Variants in CHP1 observed in about 807,000 individuals in gnomAD.
CHP1 encodes the protein calcineurin like EF-hand protein 1, also known as calcineurin B homologous protein 1.
A neutral mutation model predicts 27.4 loss-of-function variants in CHP1; 11 were observed. The observed-to-expected ratio is 0.40, with a 90% CI of 0.25 to 0.67. CHP1 has a LOEUF of 0.67. Ranked by LOEUF, CHP1 falls within the 30% of genes least tolerant of loss-of-function variation. The pLI, the probability that CHP1 is intolerant of heterozygous loss-of-function variation, is 0.38. For missense variants in CHP1, 169 were observed against 251.3 expected, an observed-to-expected ratio of 0.67 and a Z score of 2.22; for synonymous variants, 89 against 87.4, an observed-to-expected ratio of 1.02 and a Z score of -0.10.
chr15:41,253,619 T>C (rs1243630928), intron 2 of CHP1, among the ~76,000 whole-genome samples: 2 of 151,394 alleles, frequency 1.3e-5, no homozygotes, highest in African/African-American at 2.4e-5. Flanking sequence ...CACGCCTAGC[T>C]AATTTTTTGT....
chr15:41,276,224 G>C (rs1020604032), intron 5 of CHP1, among the ~76,000 whole-genome samples: 1 of 145,552 alleles, frequency 6.9e-6, no homozygotes, highest in African/African-American at 2.6e-5. Flanking sequence ...CTGGGCAACA[G>C]AGTGAGACTC....
At chr15:41,252,463 G>A (rs1567007068) in intron 2 of CHP1, among the ~76,000 whole-genome samples, 3 of 152,146 alleles carry the variant, frequency 2.0e-5, no homozygotes, top group African/African-American at 4.8e-5. Context: ...CACCACGCCC[G>A]GCCTGGAAAG....
intron 5 of CHP1, chr15:41,272,478 T>G (rs2047494848): frequency 6.6e-6 from 1 of 152,110 alleles, no homozygotes; most frequent in Non-Finnish European, 1.5e-5. Flanking sequence ...CTGGAGTGAA[T>G]ATCACCATCT....
chr15:41,241,833 A>T (rs1287052523), intron 1 of CHP1, among the ~76,000 whole-genome samples: 1 of 152,122 alleles, frequency 6.6e-6, no homozygotes, highest in Non-Finnish European at 1.5e-5. Context: ...TTTTTGTTTC[A>T]TGAGCTGAGG....
chr15:41,280,505 A>ATTTTTTTTTTTTTTTTTTTTTTTTTT lies in CHP1; in HGVS notation c.*1118_*1143dup, dbSNP rs34921023. 3 of 111,340 alleles carry ATTTTTTTTTTTTTTTTTTTTTTTTTT rather than the reference A, an allele frequency of 2.7e-5. 1 individual carries two copies. The highest frequency in any genetic ancestry group is 1.8e-5 in the Non-Finnish European group (1 of 56,608). 6.9% of individuals were successfully genotyped at this position (111,340 alleles called of 1,614,324 possible). ...GGAAGTGCCTAATATCCCAGTCCAA[A>ATTTTTTTTTTTTTTTTTTTTTTTTTT]TTTTTTTTTTTTTTTTTTTTTTTTT... On this transcript the variant is annotated 3_prime_UTR_variant, in exon 7 of 7. Coordinates refer to ENST00000334660, the MANE Select transcript of CHP1 (RefSeq NM_007236.5).
In CHP1 at chr15:41,268,001, T is replaced by A. The variant is rs143921659; in HGVS notation, c.350-2556T>A. On this transcript the variant is annotated intron_variant, in intron 4 of 6. Coordinates refer to ENST00000334660, the MANE Select transcript of CHP1 (RefSeq NM_007236.5). ...TGAGATCATTCCTTTGGTTTTTCAT[T>A]AAACAAATGTTTGAGCACCTACTAC... 9.9e-5 allele frequency among the ~76,000 whole-genome samples: 15 copies of A among 152,108 alleles called. No individual in the cohort carries two copies. The East Asian group carries it at 2.9e-3, about 29-fold the overall frequency.
chr15:41,259,525 CTT>C (rs535457262), intron 3 of CHP1, among the ~76,000 whole-genome samples: 38 of 115,998 alleles, frequency 3.3e-4, no homozygotes, highest in African/African-American at 7.3e-4. Flanking sequence ...CACATTGGGG[CTT>C]TTTTTTTTTT....
intron 1 of CHP1, among the ~76,000 whole-genome samples, chr15:41,233,693 A>G (rs2047263661): frequency 6.6e-6 from 1 of 152,198 alleles, no homozygotes; most frequent in African/African-American, 2.4e-5. Flanking sequence ...GCATCATGAC[A>G]TAAGAAAGCT....
At chr15:41,234,873 A>G (rs1217119382) in intron 1 of CHP1, among the ~76,000 whole-genome samples, 3 of 152,202 alleles carry the variant, frequency 2.0e-5, no homozygotes, top group Admixed American at 6.5e-5. Flanking sequence ...GTGTAGGGCT[A>G]TATCATTGGG....
chr15:41,242,391 C>G (rs967530480), intron 1 of CHP1, among the ~76,000 whole-genome samples: 3 of 152,288 alleles, frequency 2.0e-5, no homozygotes, highest in South Asian at 2.1e-4. Context: ...CATCACCTAC[C>G]TAGCCGTACA....
chr15:41,256,635 A>G (rs1353645527), intron 2 of CHP1: 1 of 446,460 alleles, frequency 2.2e-6, no homozygotes, highest in East Asian at 4.6e-5. Flanking sequence ...ACAGCTTAGT[A>G]TTTGTCCATC....
chr15:41,274,160 C>T (rs1013110638), intron 5 of CHP1, among the ~76,000 whole-genome samples: 19 of 151,964 alleles, frequency 1.3e-4, no homozygotes, highest in African/African-American at 3.6e-4. Context: ...GGGGTTTCAC[C>T]GTATTGGCCA....
intron 3 of CHP1, 110 bp downstream of exon 3, chr15:41,257,100 T>C (rs947458449): frequency 1.6e-6 from 1 of 623,628 alleles, no homozygotes; most frequent in Non-Finnish European, 2.5e-6. Flanking sequence ...TGATACCCCC[T>C]GATTATATTG....
At chr15:41,247,528 C>T (rs183821305) in intron 2 of CHP1, among the ~76,000 whole-genome samples, 484 of 146,094 alleles carry the variant, frequency 3.3e-3, no homozygotes, top group Non-Finnish European at 5.8e-3. Flanking sequence ...AAAAATTAAC[C>T]AGGTGTGGTG....
intron 2 of CHP1, among the ~76,000 whole-genome samples, chr15:41,253,197 A>C (rs545156711): frequency 1.3e-5 from 2 of 151,700 alleles, no homozygotes; most frequent in Non-Finnish European, 2.9e-5. Context: ...TCAGCCTCCC[A>C]AAGTGCTGGG....
chr15:41,241,695 G>A (rs1457089341), intron 1 of CHP1, among the ~76,000 whole-genome samples: 2 of 152,198 alleles, frequency 1.3e-5, no homozygotes, highest in African/African-American at 2.4e-5. Flanking sequence ...GCCCAGCTTC[G>A]AGGGTGAAAC....
At chr15:41,239,170 A>G (rs1201462681) in intron 1 of CHP1, among the ~76,000 whole-genome samples, 2 of 152,098 alleles carry the variant, frequency 1.3e-5, no homozygotes, top group Non-Finnish European at 2.9e-5. Flanking sequence ...TAACAAAATT[A>G]CTTGTAACCA....
At chr15:41,233,721 C>T (rs1209601311) in intron 1 of CHP1, among the ~76,000 whole-genome samples, 1 of 152,074 alleles carries the variant, frequency 6.6e-6, no homozygotes, top group African/African-American at 2.4e-5. Flanking sequence ...GTGTGTCATC[C>T]ACCTTCAGAA....
intron 2 of CHP1, among the ~76,000 whole-genome samples, chr15:41,256,339 T>C (rs1250962034): frequency 6.6e-6 from 1 of 152,214 alleles, no homozygotes; most frequent in Non-Finnish European, 1.5e-5. Flanking sequence ...GAGGGTTAAA[T>C]ACTTCTGTAG....
Sources: allele counts gnomAD v4.1 joint callset (sites outside exome capture counted in the v4.1 genomes callset), GRCh38; gene constraint gnomAD v4.1.1; transcripts MANE v1.5; gene names NCBI Gene and HGNC (gene_info 2026-07-23, HGNC 2026-07-21).